BPIFB1: variants seen among roughly 807,000 people sequenced by gnomAD.
The protein encoded by BPIFB1 is BPI fold containing family B member 1.
Under a neutral mutation model 55.1 loss-of-function variants are expected in BPIFB1, and 34 were observed. The ratio of observed to expected loss-of-function variants is 0.62; its 90% CI spans 0.47 to 0.82. BPIFB1 has a LOEUF of 0.82. Among genes scored for constraint, BPIFB1 ranks in the 40% least tolerant of loss-of-function variants. The probability of loss-of-function intolerance (pLI) is 0.00; values close to 1 mark genes in which losing one functional copy is unlikely to be tolerated. For missense variants in BPIFB1, 532 were observed against 593.1 expected (o/e 0.90, Z 1.07); for synonymous variants, 236 against 245.3 (o/e 0.96, Z 0.35).
chr20:33,299,134 G>A (rs1217481668), intron 7 of BPIFB1: 2 of 456,586 alleles, frequency 4.4e-6, no homozygotes, highest in Non-Finnish European at 8.8e-6. Flanking sequence ...ATTCAGACGC[G>A]AGAAGAGACC....
Position 33,286,044 on chromosome 20 carries a change from T to G in BPIFB1, c.-30T>G, listed in dbSNP as rs746487883. On this transcript the variant is annotated 5_prime_UTR_variant, in exon 2 of 16. Coordinates refer to ENST00000253354, the MANE Select transcript of BPIFB1 (RefSeq NM_033197.3). ...TGTGCTCACCCCAGGTCTGGCATCCTGCACTTGCTGCCCTCTGACACCTGG... is the reference window on the plus strand; with the variant it reads ...TGTGCTCACCCCAGGTCTGGCATCCGGCACTTGCTGCCCTCTGACACCTGG... 6.2e-7 allele frequency: 1 copy of G among 1,607,202 alleles called. No homozygotes were observed. The highest frequency in any genetic ancestry group is 1.1e-5 in the South Asian group (1 of 90,934).
At chr20:33,304,750 G>A (rs1568654181) in intron 12 of BPIFB1, 96 bp from the exon 13 acceptor site, 3 of 1,479,326 alleles carry the variant, frequency 2.0e-6, no homozygotes, top group African/African-American at 2.8e-5. Context: ...CACTGTGCCT[G>A]GCACATAATA....
chr20:33,296,677 A>G (rs1449730577), intron 6 of BPIFB1, among the ~76,000 whole-genome samples: 1 of 152,190 alleles, frequency 6.6e-6, no homozygotes, highest in African/African-American at 2.4e-5. Context: ...ACAACTAAAA[A>G]TGTCTCTAGA....
In BPIFB1 at chr20:33,291,893, C is replaced by G. The variant is rs200534916; in HGVS notation, c.516-14C>G. On this transcript the variant is annotated splice_polypyrimidine_tract_variant and intron_variant, in intron 5 of 15. Coordinates refer to ENST00000253354, the MANE Select transcript of BPIFB1 (RefSeq NM_033197.3). ...GACCCTTCCTAATGTCTCTCGTGCTCTCTTCCCTGAAAGGCTCTCCTTCCT... is the reference window on the plus strand; with the variant it reads ...GACCCTTCCTAATGTCTCTCGTGCTGTCTTCCCTGAAAGGCTCTCCTTCCT... 3 of 1,612,168 alleles carry G rather than the reference C, an allele frequency of 1.9e-6. No homozygotes were observed. In the East Asian group the frequency reaches 6.7e-5, roughly 36 times the overall value.
intron 6 of BPIFB1, among the ~76,000 whole-genome samples, chr20:33,293,479 C>G (rs1185589116): frequency 6.6e-6 from 1 of 152,136 alleles, no homozygotes; most frequent in Admixed American, 6.5e-5. Flanking sequence ...AACATTCCAG[C>G]AAATCCTTTT....
At chr20:33,300,033 C>G (rs746777931) in intron 8 of BPIFB1, 49 bp downstream of exon 8, 2 of 1,510,960 alleles carry the variant, frequency 1.3e-6, no homozygotes, top group African/African-American at 2.7e-5. Flanking sequence ...TGCTGCCCTT[C>G]TCTGACCACC....
chr20:33,287,508 G>T (rs1980307316), intron 2 of BPIFB1, among the ~76,000 whole-genome samples: 1 of 152,198 alleles, frequency 6.6e-6, no homozygotes, highest in African/African-American at 2.4e-5. Context: ...AGCTCTAAAG[G>T]ATAACCTAGG....
chr20:33,295,498 C>T (rs760861209), intron 6 of BPIFB1, among the ~76,000 whole-genome samples: 5 of 151,412 alleles, frequency 3.3e-5, no homozygotes, highest in East Asian at 2.0e-4. Context: ...CCCAGTTACT[C>T]GGGAGGATGA....
At chr20:33,306,848 C>T in intron 14 of BPIFB1, 63 bp from the exon 15 acceptor site, 1 of 1,414,734 alleles carries the variant, frequency 7.1e-7, no homozygotes, top group African/African-American at 1.4e-5. Flanking sequence ...AACCCTGAGC[C>T]TGCCCCTGGC....
chr20:33,290,013 G>A, intron 4 of BPIFB1, 21 bp downstream of exon 4: 1 of 1,591,304 alleles, frequency 6.3e-7, no homozygotes, highest in Non-Finnish European at 8.6e-7. Flanking sequence ...CCTCCATCAA[G>A]TACAGTAGGC....
rs915678465 is a variant in BPIFB1 at position 33,290,972 on chromosome 20, C to A, written c.381C>A (p.Thr127=). ...VAGFNTPLVK[T]IVEFHMTTEA... is the part of the protein sequence containing the mutation. ...CACCCGCTAGGCCCCTGGTCAAGACCATCGTGGAGTTCCACATGACGACTG... is the reference window on the plus strand; with the variant it reads ...CACCCGCTAGGCCCCTGGTCAAGACAATCGTGGAGTTCCACATGACGACTG... The change falls in exon 5 of 16, where the codon ACC becomes ACA. Residue 127 remains threonine, a synonymous_variant. Transcript: ENST00000253354. 1.2e-6 allele frequency: 2 copies of A among 1,613,798 alleles called. No homozygotes were observed. The highest frequency in any genetic ancestry group is 1.7e-6 in the Non-Finnish European group (2 of 1,180,030).
At chr20:33,290,469 G>A (rs921484353) in intron 4 of BPIFB1, among the ~76,000 whole-genome samples, 7 of 152,218 alleles carry the variant, frequency 4.6e-5, no homozygotes, top group African/African-American at 1.7e-4. Flanking sequence ...GGGAGGTGCT[G>A]AGAAGTTGAT....
intron 12 of BPIFB1, 64 bp downstream of exon 12, chr20:33,304,089 G>C: frequency 6.7e-7 from 1 of 1,489,694 alleles, no homozygotes; most frequent in Middle Eastern, 1.7e-4. Flanking sequence ...GTAACCATGG[G>C]TTTCTTTAAA....
intron 12 of BPIFB1, 145 bp from the exon 13 acceptor site, chr20:33,304,701 T>A: frequency 5.3e-6 from 4 of 750,418 alleles, no homozygotes; most frequent in African/African-American, 1.8e-5. Context: ...GAATGCAAGC[T>A]CCACGACGCA....
At chr20:33,285,889 G>A (rs563369450) in intron 1 of BPIFB1, 144 bp from the exon 2 acceptor site, 22 of 570,382 alleles carry the variant, frequency 3.9e-5, no homozygotes, top group South Asian at 1.7e-4. Flanking sequence ...AAGAGGTTAC[G>A]TTGATTGCCT....
At chr20:33,304,475 G>T (rs1296990411) in intron 12 of BPIFB1, among the ~76,000 whole-genome samples, 1 of 152,178 alleles carries the variant, frequency 6.6e-6, no homozygotes, top group African/African-American at 2.4e-5. Flanking sequence ...TAATATAAAT[G>T]AGTTGTGCAC....
intron 2 of BPIFB1, among the ~76,000 whole-genome samples, chr20:33,286,980 C>T (rs1394896871): frequency 6.6e-6 from 1 of 152,242 alleles, no homozygotes; most frequent in Non-Finnish European, 1.5e-5. Context: ...GACCAGACCT[C>T]TGCATTCAGG....
At chr20:33,295,682 G>GAAAGAA (rs1568650131) in intron 6 of BPIFB1, among the ~76,000 whole-genome samples, 2 of 128,852 alleles carry the variant, frequency 1.6e-5, no homozygotes, top group African/African-American at 8.3e-5. Context: ...GAAAGAAAGA[G>GAAAGAA]AGAAAAAAAG....
intron 7 of BPIFB1, 53 bp from the exon 8 acceptor site, chr20:33,299,846 C>T (rs1219774616): frequency 2.0e-6 from 3 of 1,514,594 alleles, no homozygotes; most frequent in Non-Finnish European, 1.8e-6. Flanking sequence ...CCCAACTTCC[C>T]CCTCCAATAC....
Sources: gnomAD v4.1 joint callset for allele counts (sites outside exome capture counted in the v4.1 genomes callset) on GRCh38, gnomAD v4.1.1 for gene constraint, MANE v1.5 for transcripts, NCBI Gene and HGNC (gene_info 2026-07-23, HGNC 2026-07-21) for gene names.